The following KCNIP4 variants were observed in gnomAD, a reference collection of about 807,000 sequenced individuals.
KCNIP4 encodes Kv channel-interacting protein 4.
In KCNIP4, 12 loss-of-function variants were observed where a neutral mutation model predicts 34.0. That is an observed-to-expected ratio of 0.35 (90% CI 0.23 to 0.57). KCNIP4 has a LOEUF of 0.57. Among genes scored for constraint, KCNIP4 ranks in the 20% least tolerant of loss-of-function variants. The pLI, the probability that KCNIP4 is intolerant of heterozygous loss-of-function variation, is 0.83. For missense variants in KCNIP4, 238 were observed against 311.7 expected (o/e 0.76, Z 1.78); for synonymous variants, 124 against 102.2 (o/e 1.21, Z -1.29).
At chr4:21,090,342 G>A (rs1166271739) in intron 1 of KCNIP4, among the ~76,000 whole-genome samples, 1 of 152,184 alleles carries the variant, frequency 6.6e-6, no homozygotes, top group Non-Finnish European at 1.5e-5. Context: ...AAGTGGAACA[G>A]TTACACTTTG....
chr4:21,175,058 C>T (rs1754303121), intron 1 of KCNIP4, among the ~76,000 whole-genome samples: 1 of 151,822 alleles, frequency 6.6e-6, no homozygotes, highest in Admixed American at 6.6e-5. Flanking sequence ...GCCTTAATGT[C>T]TCCCTCAGCT....
At chr4:21,103,662 C>A (rs1028758776) in intron 1 of KCNIP4, among the ~76,000 whole-genome samples, 4 of 151,240 alleles carry the variant, frequency 2.6e-5, no homozygotes, top group African/African-American at 9.7e-5. Flanking sequence ...TATACATGTG[C>A]CATGCTAGTG....
intron 1 of KCNIP4, among the ~76,000 whole-genome samples, chr4:21,541,403 G>A (rs1036472269): frequency 1.3e-5 from 2 of 152,100 alleles, no homozygotes; most frequent in South Asian, 2.1e-4. Context: ...CTGAGGGAAT[G>A]TTTATTCTAG....
intron 1 of KCNIP4, among the ~76,000 whole-genome samples, chr4:21,106,105 C>T (rs1748502346): frequency 6.6e-6 from 1 of 151,558 alleles, no homozygotes; most frequent in Non-Finnish European, 1.5e-5. Flanking sequence ...ATGACGCTGG[C>T]CTCATAAAAT....
intron 4 of KCNIP4, 40 bp from the exon 5 acceptor site, chr4:20,749,772 C>G (rs764506120): frequency 2.0e-4 from 277 of 1,367,564 alleles, no homozygotes; most frequent in Non-Finnish European, 2.8e-4. Flanking sequence ...GTCAGTGTTT[C>G]CATATCCTAC....
chr4:21,169,413 A>T (rs1753848661), intron 1 of KCNIP4, among the ~76,000 whole-genome samples: 1 of 151,996 alleles, frequency 6.6e-6, no homozygotes, highest in Non-Finnish European at 1.5e-5. Context: ...CAGCCTCCCA[A>T]AGTGCTGAGA....
Position 21,505,342 on chromosome 4 carries a change from C to T in KCNIP4, c.61+443229G>A, listed in dbSNP as rs184609535. On this transcript the variant is annotated intron_variant, in intron 1 of 8. Transcript: ENST00000382152. ...CATACACAATCATTTTCTCCTACAC[C>T]GATAGGTTGTGAGGCTGGCAAATTT... 2.2e-3 allele frequency among the ~76,000 whole-genome samples: 336 copies of T among 152,040 alleles called. 1 individual carries two copies. The highest frequency in any genetic ancestry group is 3.4e-3 in the Middle Eastern group (1 of 290).
intron 1 of KCNIP4, among the ~76,000 whole-genome samples, chr4:21,150,281 A>AG (rs1752666444): frequency 2.5e-4 from 38 of 151,636 alleles, no homozygotes; most frequent in African/African-American, 8.3e-4. Context: ...TGGGAGTGTT[A>AG]ATGAGGGTAA....
intron 1 of KCNIP4, among the ~76,000 whole-genome samples, chr4:20,994,714 A>G (rs566689811): frequency 1.6e-4 from 24 of 152,336 alleles, no homozygotes; most frequent in African/African-American, 5.5e-4. Flanking sequence ...AAACTACTGC[A>G]TAAGTAGAGA....
intron 3 of KCNIP4, among the ~76,000 whole-genome samples, chr4:20,797,180 T>C (rs1204906546): frequency 6.6e-6 from 1 of 152,232 alleles, no homozygotes; most frequent in Non-Finnish European, 1.5e-5. Flanking sequence ...TGGAGGGAGG[T>C]AATAGGATTT....
intron 1 of KCNIP4, among the ~76,000 whole-genome samples, chr4:21,353,448 C>G (rs1718231398): frequency 6.6e-6 from 1 of 152,030 alleles, no homozygotes; most frequent in Non-Finnish European, 1.5e-5. Flanking sequence ...TAGAGAAGAC[C>G]TTAAATGATG....
chr4:21,515,645 A>G (rs908923313), intron 1 of KCNIP4, among the ~76,000 whole-genome samples: 4 of 150,354 alleles, frequency 2.7e-5, no homozygotes, highest in African/African-American at 7.3e-5. Context: ...TAAAAAAAAG[A>G]AAAGAAGTAG....
intron 1 of KCNIP4, among the ~76,000 whole-genome samples, chr4:21,857,197 C>T (rs923549702): frequency 2.0e-5 from 3 of 152,208 alleles, no homozygotes; most frequent in Non-Finnish European, 2.9e-5. Context: ...TACACTTCCT[C>T]TCCTTTGAAG....
chr4:21,378,669 T>C (rs1721194159), intron 1 of KCNIP4, among the ~76,000 whole-genome samples: 1 of 152,202 alleles, frequency 6.6e-6, no homozygotes, highest in Non-Finnish European at 1.5e-5. Flanking sequence ...CATGCCATGT[T>C]CTCAACCTTC....
chr4:21,044,373 G>A (rs189888178), intron 1 of KCNIP4, among the ~76,000 whole-genome samples: 9 of 151,938 alleles, frequency 5.9e-5, no homozygotes, highest in African/African-American at 1.4e-4. Flanking sequence ...GTGCAATGGC[G>A]TGATCTTGGC....
intron 1 of KCNIP4, among the ~76,000 whole-genome samples, chr4:21,631,582 A>T (rs537714160): frequency 6.6e-6 from 1 of 152,286 alleles, no homozygotes; most frequent in East Asian, 1.9e-4. Flanking sequence ...TAATATGGAC[A>T]TCTCTAATAG....
At chr4:21,894,367 G>T (rs910192607) in intron 1 of KCNIP4, among the ~76,000 whole-genome samples, 1 of 141,230 alleles carries the variant, frequency 7.1e-6, no homozygotes, top group Admixed American at 7.0e-5. Flanking sequence ...ATAAAACAAC[G>T]AAAAGCTACT....
At chr4:21,507,424 C>T (rs1159343188) in intron 1 of KCNIP4, among the ~76,000 whole-genome samples, 2 of 151,898 alleles carry the variant, frequency 1.3e-5, no homozygotes, top group Non-Finnish European at 2.9e-5. Context: ...GCCGACACGA[C>T]CAGCTAATTT....
chr4:21,180,825 G>A (rs1040649445), intron 1 of KCNIP4, among the ~76,000 whole-genome samples: 1 of 151,476 alleles, frequency 6.6e-6, no homozygotes, highest in Admixed American at 6.6e-5. Context: ...TTATCCTTAT[G>A]TAGTGAATAC....
Sources: allele counts gnomAD v4.1 joint callset (sites outside exome capture counted in the v4.1 genomes callset), GRCh38; gene constraint gnomAD v4.1.1; transcripts MANE v1.5; gene names NCBI Gene and HGNC (gene_info 2026-07-23, HGNC 2026-07-21).